The following SCN3B variants were observed in gnomAD, a reference collection of about 807,000 sequenced individuals.
SCN3B encodes the protein sodium voltage-gated channel beta subunit 3, also known as sodium channel regulatory subunit beta-3.
Under a neutral mutation model 25.4 loss-of-function variants are expected in SCN3B, and 11 were observed. That is an observed-to-expected ratio of 0.43 (90% CI 0.27 to 0.72). The LOEUF (loss-of-function observed/expected upper bound fraction) is 0.72. Ranked by LOEUF, SCN3B falls within the 30% of genes least tolerant of loss-of-function variation. SCN3B has a pLI of 0.18. For synonymous variants in SCN3B, 109 were observed against 110.7 expected (o/e 0.99, Z 0.09); for missense variants, 218 against 278.3 (o/e 0.78, Z 1.54).
Position 123,633,709 on chromosome 11 carries a change from G to A in SCN3B, c.*90C>T, listed in dbSNP as rs1188641087. On this transcript the variant is annotated 3_prime_UTR_variant, in exon 7 of 7. Transcript: ENST00000299333. ...ATGAAGGGAAGCGATGGGGCCCTTG[G>A]GGCGCCCTCCTGATGCCATTGACAT... 1 of 275,346 alleles carries A rather than the reference G, an allele frequency of 3.6e-6. No homozygotes were observed. The highest frequency in any genetic ancestry group is 7.2e-6 in the Non-Finnish European group (1 of 139,678). 17.1% of individuals were successfully genotyped at this position (275,346 alleles called of 1,614,324 possible).
Position 123,642,819 on chromosome 11 carries a change from G to T in SCN3B, c.220-148C>A. ...AATGCCACCGGGAGACCCAGAATGT[G>T]GGGGTGGGATGAAGAGGCACAGAGG... is the stretch of plus-strand genomic sequence containing the variant. On this transcript the variant is annotated intron_variant, in intron 3 of 6. Coordinates refer to ENST00000299333, the MANE Select transcript of SCN3B (RefSeq NM_001040151.2). The surrounding 1 kb of genome is among the most constrained non-coding windows in gnomAD (Gnocchi z 4.3). The T allele has an allele frequency of 1.4e-6, 1 of 713,740 alleles. No individual in the cohort carries two copies. The highest frequency in any genetic ancestry group is 2.5e-6 in the Non-Finnish European group (1 of 401,260). The allele number at this position is 713,740 out of a possible 1,614,324, so 44.2% of individuals were successfully genotyped here. A position where few individuals can be genotyped will look rare whatever the true frequency, so the allele number is the denominator to read the frequency against.
intron 5 of SCN3B, 79 bp from the exon 6 acceptor site, chr11:123,634,285 A>G (rs1304616601): frequency 2.6e-6 from 3 of 1,136,628 alleles, no homozygotes; most frequent in African/African-American, 3.0e-5. Context: ...AGCAGGGCAC[A>G]GGAGCAAGGA....
At chr11:123,650,874 T>G (rs1444126806) in intron 2 of SCN3B, among the ~76,000 whole-genome samples, 4 of 152,172 alleles carry the variant, frequency 2.6e-5, no homozygotes, top group Non-Finnish European at 5.9e-5. Context: ...AGCAATGTAT[T>G]GAAAATTACA....
In SCN3B at chr11:123,642,808, ACCCAGAATGTGG is replaced by A; in HGVS notation, c.220-149_220-138del. 1.4e-6 allele frequency: 1 copy of A among 728,914 alleles called. No homozygotes were observed. The highest frequency in any genetic ancestry group is 2.4e-6 in the Non-Finnish European group (1 of 411,126). The allele number at this position is 728,914 out of a possible 1,614,324, so 45.2% of individuals were successfully genotyped here. ...AGAGAGGGGACAATGCCACCGGGAGACCCAGAATGTGGGGGTGGGATGAAGAGGCACAGAGGA... is the reference window on the plus strand; with the variant it reads ...AGAGAGGGGACAATGCCACCGGGAGAGGGTGGGATGAAGAGGCACAGAGGA... On this transcript the variant is annotated intron_variant, in intron 3 of 6. Transcript: ENST00000299333. The surrounding 1 kb of genome is among the most constrained non-coding windows in gnomAD (Gnocchi z 4.3).
chr11:123,648,385 A>G (rs1955879647), intron 2 of SCN3B, among the ~76,000 whole-genome samples: 1 of 152,250 alleles, frequency 6.6e-6, no homozygotes, highest in Non-Finnish European at 1.5e-5. Flanking sequence ...ATTAATTTAC[A>G]TGAATGTGCT....
rs1208259262 is a variant in SCN3B, at chr11:123,632,261, A to G, written c.*1538T>C. Reference sequence around the variant, plus strand: ...CTCATTTACTTATGATCCATCTCAGACTAAACATTTTTCTTAGTTTAAATA... The same window carrying G: ...CTCATTTACTTATGATCCATCTCAGGCTAAACATTTTTCTTAGTTTAAATA... On this transcript the variant is annotated 3_prime_UTR_variant, in exon 7 of 7. Transcript: ENST00000299333. 6.6e-6 allele frequency: 1 copy of G among 152,214 alleles called. No individual in the cohort carries two copies. The highest frequency in any genetic ancestry group is 1.5e-5 in the Non-Finnish European group (1 of 68,048). The allele number at this position is 152,214 out of a possible 1,614,324, so 9.4% of individuals were successfully genotyped here. A position where few individuals can be genotyped will look rare whatever the true frequency, so the allele number is the denominator to read the frequency against.
chr11:123,637,358 G>A (rs560545458), intron 5 of SCN3B, among the ~76,000 whole-genome samples: 18 of 152,278 alleles, frequency 1.2e-4, no homozygotes, highest in Middle Eastern at 3.4e-3. Context: ...ATGGTATAAA[G>A]CAAACAGTTC....
chr11:123,635,205 A>T (rs1267913673), intron 5 of SCN3B, among the ~76,000 whole-genome samples: 1 of 152,196 alleles, frequency 6.6e-6, no homozygotes, highest in East Asian at 1.9e-4. Flanking sequence ...GTTTCTATAT[A>T]GATTAGGAAT....
chr11:123,653,104 C>T (rs1955945796), intron 2 of SCN3B, among the ~76,000 whole-genome samples: 1 of 151,752 alleles, frequency 6.6e-6, no homozygotes, highest in African/African-American at 2.4e-5. Context: ...CCTCCCCTAA[C>T]ACCAAAGCAT....
intron 2 of SCN3B, among the ~76,000 whole-genome samples, chr11:123,648,292 TA>T (rs1375304799): frequency 1.3e-5 from 2 of 152,262 alleles, no homozygotes; most frequent in African/African-American, 4.8e-5. Context: ...ATGTACTATG[TA>T]ATCTCTCTGG....
intron 3 of SCN3B, among the ~76,000 whole-genome samples, chr11:123,644,766 T>TGAGAGAGAGAGA (rs371690210): frequency 6.3e-5 from 6 of 94,662 alleles, no homozygotes; most frequent in African/African-American, 2.2e-4. Context: ...GAGACCCCGT[T>TGAGAGAGAGAGA]GAGAGAGAGA....
chr11:123,648,818 A>T (rs1297755389), intron 2 of SCN3B, among the ~76,000 whole-genome samples: 2 of 152,242 alleles, frequency 1.3e-5, no homozygotes, highest in East Asian at 3.8e-4. Flanking sequence ...CCAATGTGGA[A>T]ATTACAGCAA....
Position 123,642,641 on chromosome 11 carries a change from C to A in SCN3B, c.250G>T (p.Val84Leu). ...IYEYRNGHQEVESPFQGRLQW... is the reference protein window; with the variant it reads ...IYEYRNGHQELESPFQGRLQW... ...AGGCGCCCCTGAAAGGGGCTCTCCA[C>A]CTCCTGGTGGCCATTCCGATACTCG... Residue 84 changes from valine to leucine, a missense_variant, in exon 4 of 7, where the codon GTG becomes TTG. Val to Leu is a conservative substitution (Grantham distance 32). Coordinates refer to ENST00000299333, the MANE Select transcript of SCN3B (RefSeq NM_001040151.2). This position sits in a 1 kb window ranked among gnomAD's most constrained non-coding sequence, Gnocchi z 4.3. 6.2e-7 allele frequency: 1 copy of A among 1,614,166 alleles called. No homozygotes were observed. The highest frequency in any genetic ancestry group is 8.5e-7 in the Non-Finnish European group (1 of 1,180,026).
chr11:123,643,524 A>G (rs937264329), intron 3 of SCN3B, among the ~76,000 whole-genome samples: 10 of 152,266 alleles, frequency 6.6e-5, no homozygotes, highest in Admixed American at 5.2e-4. Context: ...TCAGTTCCTC[A>G]GTGGCACTGG....
intron 2 of SCN3B, among the ~76,000 whole-genome samples, chr11:123,649,566 T>C (rs946927942): frequency 6.6e-6 from 1 of 152,272 alleles, no homozygotes; most frequent in South Asian, 2.1e-4. Context: ...CTCCATCCTT[T>C]GAGTCTTCAG....
chr11:123,644,168 A>T (rs1955821403), intron 3 of SCN3B, among the ~76,000 whole-genome samples: 1 of 152,214 alleles, frequency 6.6e-6, no homozygotes, highest in Admixed American at 6.5e-5. Flanking sequence ...AACTTCTTTG[A>T]GCCTCAGTTT....
rs1169041337 is a variant in SCN3B, at chr11:123,629,285, T to C, written c.*4514A>G. ...TTGAGGGCTTAGGTGGTCAGGAACA[T>C]TTCCAGAGTTTGGATTGTGTTCGAT... On this transcript the variant is annotated 3_prime_UTR_variant, in exon 7 of 7. Transcript: ENST00000299333. 6.6e-6 allele frequency: 1 copy of C among 152,186 alleles called. No homozygotes were observed. The highest frequency in any genetic ancestry group is 1.5e-5 in the Non-Finnish European group (1 of 68,046). The allele number at this position is 152,186 out of a possible 1,614,324, so 9.4% of individuals were successfully genotyped here. A position where few individuals can be genotyped will look rare whatever the true frequency, so the allele number is the denominator to read the frequency against.
chr11:123,644,391 T>C (rs1473490174), intron 3 of SCN3B, among the ~76,000 whole-genome samples: 1 of 152,058 alleles, frequency 6.6e-6, no homozygotes, highest in Admixed American at 6.5e-5. Flanking sequence ...TGATAATAAG[T>C]GTGAAGTCAA....
chr11:123,642,453 G>A lies in SCN3B; in HGVS notation c.438C>T (p.Thr146=), dbSNP rs1275085. ...CCTGTGCCTCAGCCTCACCCTCCTCGGTGACTCTTAGGGGGATCAGCCGCG... is the reference window on the plus strand; with the variant it reads ...CCTGTGCCTCAGCCTCACCCTCCTCAGTGACTCTTAGGGGGATCAGCCGCG... ...KTTRLIPLRV[T]EEAGEDFTSV... Residue 146 remains threonine, a synonymous_variant, in exon 4 of 7, where the codon ACC becomes ACT. Coordinates refer to ENST00000299333, the MANE Select transcript of SCN3B (RefSeq NM_001040151.2). The surrounding 1 kb of genome is among the most constrained non-coding windows in gnomAD (Gnocchi z 4.3). 0.086 allele frequency: 138,592 copies of A among 1,613,836 alleles called. 6,568 individuals are homozygous for A. Among genetic ancestry groups the A allele is most frequent in the South Asian group, 0.16 (14,260 of 91,058 alleles).
Sources: gnomAD v4.1 joint callset for allele counts (sites outside exome capture counted in the v4.1 genomes callset) on GRCh38, gnomAD v4.1.1 for gene constraint, Gnocchi (gnomAD v3.1) non-coding constraint, MANE v1.5 for transcripts, NCBI Gene and HGNC (gene_info 2026-07-23, HGNC 2026-07-21) for gene names.